Variants in SRGAP2B observed in about 807,000 individuals in gnomAD.
SRGAP2B encodes SLIT-ROBO Rho GTPase-activating protein 2B.
In SRGAP2B, 9 loss-of-function variants were observed where a neutral mutation model predicts 22.2. That is an observed-to-expected ratio of 0.41 (90% CI 0.24 to 0.71). The LOEUF (loss-of-function observed/expected upper bound fraction) is 0.71. Ranked by LOEUF, SRGAP2B falls within the 30% of genes least tolerant of loss-of-function variation. The pLI, the probability that SRGAP2B is intolerant of heterozygous loss-of-function variation, is 0.35. For synonymous variants in SRGAP2B, 36 were observed against 87.4 expected, an observed-to-expected ratio of 0.41 and a Z score of 3.28; for missense variants, 114 against 235.8, an observed-to-expected ratio of 0.48 and a Z score of 3.38.
chr1:144,962,780 G>A (rs1457035972), intron 3 of SRGAP2B, among the ~76,000 whole-genome samples: 1 of 145,600 alleles, frequency 6.9e-6, no homozygotes, highest in African/African-American at 2.6e-5. Flanking sequence ...TATTGTCCAG[G>A]CTCCTTCTCT....
rs1670189306 is a variant in SRGAP2B, at chr1:144,991,207, G to A, written c.260+3801C>T. On this transcript the variant is annotated intron_variant, in intron 3 of 9. Transcript: ENST00000612199. ...TGTGTTTAGCTCAAGGTTTGTGAGT[G>A]CACCAATCGACACTCTGTATCTAGC... is the stretch of plus-strand genomic sequence containing the variant. Among the ~76,000 whole-genome samples the A allele has an allele frequency of 2.0e-5, 3 of 150,078 alleles. 1 individual carries two copies. The highest frequency in any genetic ancestry group is 2.0e-4 in the Admixed American group (3 of 15,138).
chr1:145,095,094 C>CGGTCTGAG, intron 1 of SRGAP2B, 129 bp downstream of exon 1: 1 of 1,138,440 alleles, frequency 8.8e-7, no homozygotes, highest in South Asian at 1.7e-5. Context: ...GGATTCCGGG[C>CGGTCTGAG]GGCACCGCTA....
At chr1:144,956,216 T>C (rs1667249088) in intron 3 of SRGAP2B, among the ~76,000 whole-genome samples, 1 of 145,356 alleles carries the variant, frequency 6.9e-6, no homozygotes, top group African/African-American at 2.6e-5. Flanking sequence ...AATGTATCCA[T>C]TGTAGGATTT....
intron 2 of SRGAP2B, among the ~76,000 whole-genome samples, chr1:145,006,080 C>G (rs1553621010): frequency 6.6e-6 from 1 of 150,832 alleles, no homozygotes; most frequent in Non-Finnish European, 1.5e-5. Flanking sequence ...CCTGACAGTG[C>G]ATTGCCTTCT....
chr1:145,089,010 G>A (rs1282572721), intron 2 of SRGAP2B, among the ~76,000 whole-genome samples: 1 of 151,176 alleles, frequency 6.6e-6, no homozygotes, highest in Non-Finnish European at 1.5e-5. Flanking sequence ...CATTTACACT[G>A]TATTAGGTAT....
chr1:145,047,175 C>CAA (rs4058382), intron 2 of SRGAP2B, among the ~76,000 whole-genome samples: 53 of 14,568 alleles, frequency 3.6e-3, no homozygotes, highest in Admixed American at 0.013. Context: ...GACTCTGTCT[C>CAA]AAAAAAAAAA....
chr1:145,048,342 TCTC>T (rs1649976621), intron 2 of SRGAP2B, among the ~76,000 whole-genome samples: 1 of 141,490 alleles, frequency 7.1e-6, no homozygotes, highest in African/African-American at 2.6e-5. Context: ...ACCCTACACA[TCTC>T]CTGCCAATGG....
intron 2 of SRGAP2B, among the ~76,000 whole-genome samples, chr1:145,012,377 A>AT (rs1181659817): frequency 6.7e-6 from 1 of 150,260 alleles, no homozygotes; most frequent in Non-Finnish European, 1.5e-5. Flanking sequence ...TTTTGCTTGA[A>AT]TTTTTTATAA....
At chr1:144,954,781 C>A (rs587603704) in intron 4 of SRGAP2B, among the ~76,000 whole-genome samples, 2 of 150,318 alleles carry the variant, frequency 1.3e-5, no homozygotes, top group East Asian at 3.9e-4. Context: ...TCAACCTATA[C>A]CCAAGGAAGT....
intron 2 of SRGAP2B, among the ~76,000 whole-genome samples, chr1:145,068,151 C>A (rs1449607955): frequency 2.0e-5 from 1 of 49,828 alleles, no homozygotes; most frequent in Non-Finnish European, 3.5e-5. Flanking sequence ...TGCAGTGAGC[C>A]GAGATCGCAC....
chr1:145,093,656 C>T (rs1654167629), intron 1 of SRGAP2B, among the ~76,000 whole-genome samples: 1 of 145,672 alleles, frequency 6.9e-6, no homozygotes, highest in African/African-American at 2.8e-5. Flanking sequence ...TTGGAGCAGC[C>T]GCCTGCGCGG....
chr1:144,953,190 AG>A (rs1667011335), intron 4 of SRGAP2B, among the ~76,000 whole-genome samples: 1 of 143,544 alleles, frequency 7.0e-6, no homozygotes, highest in Non-Finnish European at 1.5e-5. Context: ...TAATATTGAA[AG>A]AAACCAAACA....
At chr1:144,912,296 T>C (rs1282223453) in intron 5 of SRGAP2B, among the ~76,000 whole-genome samples, 3 of 148,448 alleles carry the variant, frequency 2.0e-5, no homozygotes, top group African/African-American at 5.2e-5. Context: ...GATCCTTAGC[T>C]ATAGCCTAAT....
chr1:145,080,148 C>T (rs1652795241), intron 2 of SRGAP2B, among the ~76,000 whole-genome samples: 1 of 149,740 alleles, frequency 6.7e-6, no homozygotes, highest in Non-Finnish European at 1.5e-5. Flanking sequence ...CCATACAAAC[C>T]AGTTACAGCA....
At chr1:144,943,103 G>A (rs1666184602) in intron 4 of SRGAP2B, among the ~76,000 whole-genome samples, 2 of 130,094 alleles carry the variant, frequency 1.5e-5, no homozygotes, top group Non-Finnish European at 3.2e-5. Context: ...AGGAAATATG[G>A]GATACGGGCA....
Position 144,963,161 on chromosome 1 carries a change from T to C in SRGAP2B, c.261-7560A>G, listed in dbSNP as rs199705735. Among the ~76,000 whole-genome samples, 41 of 150,900 alleles carry C rather than the reference T, an allele frequency of 2.7e-4. 1 individual carries two copies. The East Asian group carries it at 7.9e-3, about 29-fold the overall frequency. ...GTGTTAGCACTAGCATTCCCAGAAC[T>C]ATAGGGAGGAATGAATAAAGAGGCT... On this transcript the variant is annotated intron_variant, in intron 3 of 9. Coordinates refer to ENST00000612199, the Ensembl canonical transcript of SRGAP2B.
chr1:145,044,650 TAAAAAAAAAAAAAAAAAAAA>T (rs1184404731), intron 2 of SRGAP2B, among the ~76,000 whole-genome samples: 80 of 30,594 alleles, frequency 2.6e-3, no homozygotes, highest in East Asian at 7.6e-3. Context: ...AACCCCCTCC[TAAAAAAAAAAAAAAAAAAAA>T]AAAAAAAAAA....
Position 144,943,395 on chromosome 1 carries a change from G to A in SRGAP2B, c.423+12044C>T, listed in dbSNP as rs587645777. Among the ~76,000 whole-genome samples the A allele has an allele frequency of 7.2e-5, 11 of 151,910 alleles. 1 individual carries two copies. In the South Asian group the frequency reaches 2.1e-3, roughly 29 times the overall value. Reference sequence around the variant, plus strand: ...AAAGGAGAAGGTCTTGACTAAAACAGTAGATTACAAAATAGTATGTACAAT... The same window carrying A: ...AAAGGAGAAGGTCTTGACTAAAACAATAGATTACAAAATAGTATGTACAAT... On this transcript the variant is annotated intron_variant, in intron 4 of 9. Coordinates refer to ENST00000612199, the Ensembl canonical transcript of SRGAP2B.
At chr1:145,073,175 T>A in intron 2 of SRGAP2B, among the ~76,000 whole-genome samples, 1 of 150,548 alleles carries the variant, frequency 6.6e-6, no homozygotes, top group East Asian at 1.9e-4. Context: ...GGTAAGAAGC[T>A]GCAAAAGGAG....
Sources: gnomAD v4.1 joint callset for allele counts (sites outside exome capture counted in the v4.1 genomes callset) on GRCh38, gnomAD v4.1.1 for gene constraint, MANE v1.5 for transcripts, NCBI Gene and HGNC (gene_info 2026-07-23, HGNC 2026-07-21) for gene names.